ADAMTS14: variants seen among roughly 807,000 people sequenced by gnomAD.
The protein encoded by ADAMTS14 is A disintegrin and metalloproteinase with thrombospondin motifs 14.
Under a neutral mutation model 128.6 loss-of-function variants are expected in ADAMTS14, and 100 were observed. The ratio of observed to expected loss-of-function variants is 0.78; its 90% CI spans 0.66 to 0.92. The LOEUF (loss-of-function observed/expected upper bound fraction) is 0.92, where lower values mean the gene tolerates loss of function less well. ADAMTS14 is among the 40% of genes least tolerant of loss of function. The pLI is 0.00. For missense variants in ADAMTS14, 1,562 were observed against 1,658.6 expected, an observed-to-expected ratio of 0.94 and a Z score of 1.01; for synonymous variants, 665 against 653.8, an observed-to-expected ratio of 1.02 and a Z score of -0.26.
Position 70,738,828 on chromosome 10 carries a change from C to T in ADAMTS14, c.1600-14C>T, listed in dbSNP as rs754613805. 3.1e-6 allele frequency: 5 copies of T among 1,613,820 alleles called. No individual in the cohort carries two copies. The South Asian group carries it at 4.4e-5, about 14-fold the overall frequency. On this transcript the variant is annotated splice_polypyrimidine_tract_variant and intron_variant, in intron 10 of 21. Transcript: ENST00000373207. ...GCAGCCCAGGGTGACCTCATGCCCT[C>T]TGCTCTGCCCCAGTGGTGCTTCAAA...
Position 70,704,784 on chromosome 10 carries a change from C to G in ADAMTS14, c.679+2316C>G, listed in dbSNP as rs1293191995. Among the ~76,000 whole-genome samples the G allele has an allele frequency of 4.6e-5, 7 of 151,940 alleles. No homozygotes were observed. In the South Asian group the frequency reaches 1.5e-3, roughly 32 times the overall value. Reference sequence around the variant, plus strand: ...ACACATGCTTACACACATCCATACACCCACACTCACACATAGACACACACC... The same window carrying G: ...ACACATGCTTACACACATCCATACAGCCACACTCACACATAGACACACACC... On this transcript the variant is annotated intron_variant, in intron 3 of 21. Coordinates refer to ENST00000373207, the MANE Select transcript of ADAMTS14 (RefSeq NM_080722.4).
chr10:70,724,116 C>T (rs1415459081), intron 4 of ADAMTS14, among the ~76,000 whole-genome samples: 3 of 152,236 alleles, frequency 2.0e-5, no homozygotes, highest in African/African-American at 4.8e-5. Flanking sequence ...TCCCTCTAAT[C>T]CCAGTACCCT....
intron 2 of ADAMTS14, among the ~76,000 whole-genome samples, chr10:70,693,681 A>C (rs933408459): frequency 3.3e-5 from 5 of 152,172 alleles, no homozygotes; most frequent in African/African-American, 4.8e-5. Context: ...TTTACCCACC[A>C]CATTGCTTCT....
intron 6 of ADAMTS14, 97 bp from the exon 7 acceptor site, chr10:70,732,157 G>A (rs1418234204): frequency 9.4e-7 from 1 of 1,066,316 alleles, no homozygotes; most frequent in East Asian, 2.6e-5. Context: ...CCCACTCCAA[G>A]CACTGACCAG....
In ADAMTS14 at chr10:70,730,162, G is replaced by T; in HGVS notation, c.1015G>T (p.Ala339Ser). 1 of 1,613,178 alleles carries T rather than the reference G, an allele frequency of 6.2e-7. No individual in the cohort carries two copies. Among genetic ancestry groups the T allele is most frequent in the Non-Finnish European group, 8.5e-7 (1 of 1,179,996 alleles). Residue 339 changes from alanine to serine, a missense_variant, in exon 6 of 22, where the codon GCA (alanine) becomes TCA (serine). Physicochemically the swap from Ala to Ser is moderately conservative, Grantham distance 99. Transcript: ENST00000373207. Reference protein sequence around the residue: ...SRSLEQVCRWAHSQQRQDPSH... With the variant: ...SRSLEQVCRWSHSQQRQDPSH... ...CAGCCTGGAGCAGGTGTGTCGCTGGGCACACTCCCAGCAGCGCCAGGACCC... is the reference window on the plus strand; with the variant it reads ...CAGCCTGGAGCAGGTGTGTCGCTGGTCACACTCCCAGCAGCGCCAGGACCC...
chr10:70,723,168 G>A (rs71477509), intron 4 of ADAMTS14, among the ~76,000 whole-genome samples: 2 of 152,110 alleles, frequency 1.3e-5, no homozygotes, highest in East Asian at 1.9e-4. Flanking sequence ...ACCATCAGAC[G>A]TACCCTAATT....
rs547147295 is a variant in ADAMTS14 at position 70,730,141 on chromosome 10, C to T, written c.994C>T (p.Leu332=). ...LIERGNPSRS[L]EQVCRWAHSQ... ...CGAGCGCGGGAACCCCTCACGCAGC[C>T]TGGAGCAGGTGTGTCGCTGGGCACA... Residue 332 remains leucine, a synonymous_variant, in exon 6 of 22, where the codon CTG becomes TTG. Transcript: ENST00000373207. 7.4e-6 allele frequency: 12 copies of T among 1,611,898 alleles called. No homozygotes were observed. In the African/African-American group the frequency reaches 1.5e-4, roughly 20 times the overall value.
chr10:70,697,790 G>T (rs2132583143), intron 2 of ADAMTS14, among the ~76,000 whole-genome samples: 1 of 151,070 alleles, frequency 6.6e-6, no homozygotes, highest in African/African-American at 2.4e-5. Context: ...GGCTTTCCCT[G>T]AGGGGAACCC....
chr10:70,677,446 G>A (rs562029324), intron 2 of ADAMTS14, among the ~76,000 whole-genome samples: 1 of 152,238 alleles, frequency 6.6e-6, no homozygotes, highest in East Asian at 1.9e-4. Context: ...TGGAAGATGG[G>A]AATCGATTCT....
chr10:70,700,486 G>A (rs1840461086), intron 2 of ADAMTS14, among the ~76,000 whole-genome samples: 1 of 152,204 alleles, frequency 6.6e-6, no homozygotes, highest in South Asian at 2.1e-4. Context: ...GCAGAGAGGA[G>A]ATGTGTCTGC....
chr10:70,746,069 A>G (rs1354158340), intron 15 of ADAMTS14, among the ~76,000 whole-genome samples: 1 of 152,198 alleles, frequency 6.6e-6, no homozygotes, highest in Admixed American at 6.5e-5. Flanking sequence ...AGAAGTGGTG[A>G]AGTTACTGTG....
At chr10:70,743,335 G>A (rs1190239714) in intron 12 of ADAMTS14, among the ~76,000 whole-genome samples, 1 of 152,120 alleles carries the variant, frequency 6.6e-6, no homozygotes, top group African/African-American at 2.4e-5. Flanking sequence ...ATAAAAATAG[G>A]GAACAAAGGC....
At position 70,750,108 on chromosome 10, in the gene ADAMTS14, G is replaced by T. The variant is rs1719881745; in HGVS notation, c.2427+123G>T. On this transcript the variant is annotated intron_variant, in intron 16 of 21. Coordinates refer to ENST00000373207, the MANE Select transcript of ADAMTS14 (RefSeq NM_080722.4). ...TCTTTAGGAGCCTGGGCAAGGGCAA[G>T]GCACCTTCCATCCTGGGATTAGCTC... 20 of 1,286,156 alleles carry T rather than the reference G, an allele frequency of 1.6e-5. No homozygotes were observed. The South Asian group carries it at 2.8e-4, about 18-fold the overall frequency. 79.7% of individuals were successfully genotyped at this position (1,286,156 alleles called of 1,614,324 possible). A position where few individuals can be genotyped will look rare whatever the true frequency, so the allele number is the denominator to read the frequency against.
Position 70,760,651 on chromosome 10 carries a change from C to A in ADAMTS14, c.3470C>A (p.Thr1157Lys). The A allele has an allele frequency of 6.2e-7, 1 of 1,614,174 alleles. No individual in the cohort carries two copies. Among genetic ancestry groups the A allele is most frequent in the African/African-American group, 1.3e-5 (1 of 75,060 alleles). ...ACACAGCTCCCAGGAGCTCTGGATA[C>A]AAGCTCCCCAGGGACCCAGCATCCC... ...RATQLPGALDTSSPGTQHPFA... is the reference protein window; with the variant it reads ...RATQLPGALDKSSPGTQHPFA... Residue 1157 changes from threonine (T) to lysine (K), a missense_variant, in exon 22 of 22, where the codon ACA becomes AAA. Coordinates refer to ENST00000373207, the MANE Select transcript of ADAMTS14 (RefSeq NM_080722.4).
chr10:70,688,172 C>A (rs1421022428), intron 2 of ADAMTS14, among the ~76,000 whole-genome samples: 23 of 47,736 alleles, frequency 4.8e-4, no homozygotes, highest in African/African-American at 6.4e-4. Flanking sequence ...GGCAGAGACG[C>A]TCCTCACCTC....
chr10:70,754,052 G>A (rs1177827103), intron 19 of ADAMTS14, 45 bp downstream of exon 19: 1 of 1,465,734 alleles, frequency 6.8e-7, no homozygotes, highest in East Asian at 2.5e-5. Flanking sequence ...GAGGAGGTGG[G>A]TCTGAGGGAT....
chr10:70,736,374 C>T (rs1841826460), intron 9 of ADAMTS14, among the ~76,000 whole-genome samples: 1 of 152,116 alleles, frequency 6.6e-6, no homozygotes, highest in South Asian at 2.1e-4. Context: ...CAGAGCCTCA[C>T]GCCCTAGTCC....
At chr10:70,702,214 G>T in intron 2 of ADAMTS14, 98 bp from the exon 3 acceptor site, 1 of 1,531,682 alleles carries the variant, frequency 6.5e-7, no homozygotes, top group Non-Finnish European at 8.9e-7. Flanking sequence ...AGCATGTAGG[G>T]TCACATATGT....
At chr10:70,718,595 A>G (rs1339085617) in intron 4 of ADAMTS14, among the ~76,000 whole-genome samples, 1 of 151,842 alleles carries the variant, frequency 6.6e-6, no homozygotes, top group East Asian at 1.9e-4. Context: ...TGTGTTGGCC[A>G]GGCTTGTCTC....
Sources: gnomAD v4.1 joint callset for allele counts (sites outside exome capture counted in the v4.1 genomes callset) on GRCh38, gnomAD v4.1.1 for gene constraint, MANE v1.5 for transcripts, NCBI Gene and HGNC (gene_info 2026-07-23, HGNC 2026-07-21) for gene names.